CFAP221: variants seen among roughly 807,000 people sequenced by gnomAD.
The protein encoded by CFAP221 is cilia- and flagella-associated protein 221.
CFAP221 carries 97 observed loss-of-function variants against 113.1 expected under a neutral mutation model. That is an observed-to-expected ratio of 0.86 (90% CI 0.73 to 1.02). The LOEUF is 1.02. Among genes scored for constraint, CFAP221 ranks in the 50% least tolerant of loss-of-function variants. The pLI is 0.00. For synonymous variants in CFAP221, 331 were observed against 354.4 expected (o/e 0.93, Z 0.74); for missense variants, 1,025 against 1,013.4 (o/e 1.01, Z -0.16).
At chr2:119,639,895 C>T (rs1017291078) in intron 21 of CFAP221, 23 bp downstream of exon 21, 1 of 1,594,048 alleles carries the variant, frequency 6.3e-7, no homozygotes, top group Non-Finnish European at 8.6e-7. Context: ...CATCTGTTTG[C>T]TCACGAGTAT....
At chr2:119,620,508 G>A (rs957130881) in intron 14 of CFAP221, among the ~76,000 whole-genome samples, 20 of 152,134 alleles carry the variant, frequency 1.3e-4, no homozygotes, top group Non-Finnish European at 7.3e-5. Context: ...ATAAGTGAAG[G>A]AGAAATAAAA....
chr2:119,625,719 C>T (rs1217096797), intron 15 of CFAP221, 31 bp downstream of exon 15: 12 of 1,534,724 alleles, frequency 7.8e-6, no homozygotes, highest in African/African-American at 4.1e-5. Context: ...ACAGAGATGC[C>T]GAGACTGATC....
At position 119,585,084 on chromosome 2, in the gene CFAP221, A is replaced by G. The variant is rs187147244; in HGVS notation, c.528-2035A>G. On this transcript the variant is annotated intron_variant, in intron 6 of 23. Transcript: ENST00000413369. Reference sequence around the variant, plus strand: ...GAATAAAGTGTGGTATAATTATATAACAGAATACTCTTCACTCGTTAAAAT... The same window carrying G: ...GAATAAAGTGTGGTATAATTATATAGCAGAATACTCTTCACTCGTTAAAAT... Among the ~76,000 whole-genome samples the G allele has an allele frequency of 1.5e-4, 23 of 152,332 alleles. No homozygotes were observed. The East Asian group carries it at 4.4e-3, about 29-fold the overall frequency.
chr2:119,639,090 G>A (rs555019716), intron 20 of CFAP221, among the ~76,000 whole-genome samples: 23 of 152,096 alleles, frequency 1.5e-4, no homozygotes, highest in Admixed American at 8.5e-4. Context: ...GTGGGGGGGC[G>A]GGCACCGGTG....
At chr2:119,611,859 A>C (rs780022557) in intron 13 of CFAP221, 117 bp downstream of exon 13, 38 of 786,222 alleles carry the variant, frequency 4.8e-5, no homozygotes, top group Non-Finnish European at 7.5e-5. Flanking sequence ...AATACTTTTT[A>C]ATTTGCATAC....
At chr2:119,632,759 A>C (rs534426850) in intron 19 of CFAP221, among the ~76,000 whole-genome samples, 19 of 152,146 alleles carry the variant, frequency 1.2e-4, no homozygotes, top group Non-Finnish European at 2.4e-4. Context: ...TACAAAAAAA[A>C]CTACTAAAAT....
At chr2:119,653,133 C>T (rs12052421) in intron 23 of CFAP221, among the ~76,000 whole-genome samples, 148,555 of 151,918 alleles carry the variant, frequency 0.98, 72,728 homozygotes, top group Non-Finnish European at 1. Context: ...GTAATCCCAG[C>T]GCTTTGGGAG....
chr2:119,548,202 G>A (rs761682949), intron 2 of CFAP221, among the ~76,000 whole-genome samples: 2 of 152,234 alleles, frequency 1.3e-5, no homozygotes, highest in South Asian at 2.1e-4. Context: ...GGGCTCAAGC[G>A]ATCCTCCTGT....
At chr2:119,619,548 A>G (rs1685758330) in intron 14 of CFAP221, among the ~76,000 whole-genome samples, 1 of 152,210 alleles carries the variant, frequency 6.6e-6, no homozygotes, top group Non-Finnish European at 1.5e-5. Context: ...ATCAACATCA[A>G]CAAGAAGGAT....
At chr2:119,576,406 C>G (rs1413793219) in intron 6 of CFAP221, among the ~76,000 whole-genome samples, 1 of 152,120 alleles carries the variant, frequency 6.6e-6, no homozygotes, top group Non-Finnish European at 1.5e-5. Context: ...TCTGTGTGTT[C>G]ACGTGTTCTC....
At position 119,595,423 on chromosome 2, in the gene CFAP221, A is replaced by T. The variant is rs561081720; in HGVS notation, c.632-5795A>T. On this transcript the variant is annotated intron_variant, in intron 7 of 23. Transcript: ENST00000413369. ...CCTATTTAATAGATTTTTTTTCCTT[A>T]CCATTTTTACCCTTCTTTTCCTTAT... 1.3e-5 allele frequency among the ~76,000 whole-genome samples: 2 copies of T among 151,946 alleles called. 1 individual carries two copies. The highest frequency in any genetic ancestry group is 1.3e-4 in the Admixed American group (2 of 15,288).
chr2:119,600,575 A>G (rs371384698), intron 7 of CFAP221, among the ~76,000 whole-genome samples: 1 of 152,386 alleles, frequency 6.6e-6, no homozygotes, highest in East Asian at 1.9e-4. Context: ...AGATCAATGT[A>G]AACATGCAGA....
At chr2:119,654,663 A>G (rs372119920) in intron 23 of CFAP221, among the ~76,000 whole-genome samples, 8 of 152,204 alleles carry the variant, frequency 5.3e-5, no homozygotes, top group Non-Finnish European at 8.8e-5. Context: ...CAAACTAACA[A>G]TGAACTATAA....
At chr2:119,583,139 C>A (rs997352546) in intron 6 of CFAP221, among the ~76,000 whole-genome samples, 1 of 151,520 alleles carries the variant, frequency 6.6e-6, no homozygotes, top group Non-Finnish European at 1.5e-5. Flanking sequence ...CAAATTTTAA[C>A]GAAAAGAAAA....
chr2:119,625,785 A>G (rs950209175), intron 15 of CFAP221, 97 bp downstream of exon 15: 7 of 975,760 alleles, frequency 7.2e-6, no homozygotes, highest in African/African-American at 1.7e-5. Flanking sequence ...CAAATAAAAA[A>G]TTTTCACCAG....
chr2:119,559,001 A>G (rs1309312817), intron 3 of CFAP221, among the ~76,000 whole-genome samples: 1 of 152,208 alleles, frequency 6.6e-6, no homozygotes, highest in East Asian at 1.9e-4. Context: ...TTCAGAAACC[A>G]AAGGTCTCTT....
In CFAP221 at chr2:119,606,771, A is replaced by G. The variant is rs185139904; in HGVS notation, c.1133+1482A>G. On this transcript the variant is annotated intron_variant, in intron 11 of 23. Coordinates refer to ENST00000413369, the MANE Select transcript of CFAP221 (RefSeq NM_001271049.2). ...AAGTCACATCCCAAATCCCATTCTGAATGCTGTGTTGTTCCTTTAATATTT... is the reference window on the plus strand; with the variant it reads ...AAGTCACATCCCAAATCCCATTCTGGATGCTGTGTTGTTCCTTTAATATTT... Among the ~76,000 whole-genome samples the G allele has an allele frequency of 4.5e-4, 68 of 152,182 alleles. 1 individual carries two copies. In the East Asian group the frequency reaches 0.012, roughly 26 times the overall value.
chr2:119,658,719 G>A (rs12711932), downstream of CFAP221, among the ~76,000 whole-genome samples: 113,635 of 151,918 alleles, frequency 0.75, 43,487 homozygotes, highest in South Asian at 0.83. Flanking sequence ...GGTGGCTCAC[G>A]CCTGTAATGC....
intron 11 of CFAP221, among the ~76,000 whole-genome samples, chr2:119,606,589 A>C (rs1192889949): frequency 1.3e-5 from 2 of 152,140 alleles, no homozygotes; most frequent in Non-Finnish European, 2.9e-5. Flanking sequence ...CTATTATGAA[A>C]AACAGGTAGG....
Sources: gnomAD v4.1 joint callset for allele counts (sites outside exome capture counted in the v4.1 genomes callset) on GRCh38, gnomAD v4.1.1 for gene constraint, MANE v1.5 for transcripts, NCBI Gene and HGNC (gene_info 2026-07-23, HGNC 2026-07-21) for gene names.